ALDH1L2: variants seen among roughly 807,000 people sequenced by gnomAD.
ALDH1L2 encodes mitochondrial 10-formyltetrahydrofolate dehydrogenase.
Under a neutral mutation model 111.0 loss-of-function variants are expected in ALDH1L2, and 91 were observed. That is an observed-to-expected ratio of 0.82 (90% CI 0.69 to 0.98). The LOEUF (loss-of-function observed/expected upper bound fraction) is 0.98, where lower values mean the gene tolerates loss of function less well. Ranked by LOEUF, ALDH1L2 falls within the 50% of genes least tolerant of loss-of-function variation. ALDH1L2 has a pLI of 0.00. For missense variants in ALDH1L2, 995 were observed against 1,126.8 expected (o/e 0.88, Z 1.67); for synonymous variants, 374 against 392.6 (o/e 0.95, Z 0.56).
At chr12:105,058,020 T>C in intron 10 of ALDH1L2, 53 bp downstream of exon 10, 1 of 1,551,636 alleles carries the variant, frequency 6.4e-7, no homozygotes, top group South Asian at 1.3e-5. Flanking sequence ...AGCAGTCTTT[T>C]ATAGTGTATG....
At chr12:105,029,904 C>T (rs1483378950) in intron 21 of ALDH1L2, among the ~76,000 whole-genome samples, 2 of 152,116 alleles carry the variant, frequency 1.3e-5, no homozygotes, top group Non-Finnish European at 2.9e-5. Flanking sequence ...TGAACATTTC[C>T]ATGAAAAGTT....
At chr12:105,063,215 G>A (rs1877111372) in intron 6 of ALDH1L2, among the ~76,000 whole-genome samples, 193 bp from the exon 7 acceptor site, 1 of 152,190 alleles carries the variant, frequency 6.6e-6, no homozygotes, top group African/African-American at 2.4e-5. Flanking sequence ...AGTGGCTCAC[G>A]CCTGTAATCC....
intron 10 of ALDH1L2, among the ~76,000 whole-genome samples, chr12:105,054,049 G>A (rs1364183154): frequency 6.6e-6 from 1 of 151,694 alleles, no homozygotes; most frequent in Admixed American, 6.6e-5. Context: ...CTATAAATAG[G>A]GTAAAAATAA....
chr12:105,065,584 C>T lies in ALDH1L2; in HGVS notation c.697-228G>A, dbSNP rs1176183469. Among the ~76,000 whole-genome samples, 10 of 152,282 alleles carry T rather than the reference C, an allele frequency of 6.6e-5. No individual in the cohort carries two copies. In the East Asian group the frequency reaches 1.5e-3, roughly 23 times the overall value. On this transcript the variant is annotated intron_variant, in intron 5 of 22. Transcript: ENST00000258494. ...GAGGGTTATTTAAAGGGACAGTATG[C>T]TTTGTAAAGATGAAGTAGAGCGGGC... is the stretch of plus-strand genomic sequence containing the variant.
intron 15 of ALDH1L2, among the ~76,000 whole-genome samples, chr12:105,041,691 T>C (rs1875544169): frequency 6.6e-6 from 1 of 152,208 alleles, no homozygotes; most frequent in Admixed American, 6.5e-5. Flanking sequence ...GTTGGCTCTC[T>C]ACTCTAAGTG....
In ALDH1L2 at chr12:105,030,380, G is replaced by A. The variant is rs759899162; in HGVS notation, c.2460C>T (p.Tyr820=). 1 of 1,613,556 alleles carries A rather than the reference G, an allele frequency of 6.2e-7. No individual in the cohort carries two copies. The highest frequency in any genetic ancestry group is 8.5e-7 in the Non-Finnish European group (1 of 1,179,658). The change falls in exon 21 of 23, where the codon TAC becomes TAT. Residue 820 remains tyrosine (Y), a synonymous_variant. Coordinates refer to ENST00000258494, the MANE Select transcript of ALDH1L2 (RefSeq NM_001034173.4). ...GCCCAAAGGATTCCTCTTTGGCGAG[G>A]TACATGTAGTCTTCCACATCTGTGA... ...TVFTDVEDYM[Y]LAKEESFGPI...
In ALDH1L2 at chr12:105,044,887, AT is replaced by A. The variant is rs572025251; in HGVS notation, c.1863+1822del. On this transcript the variant is annotated intron_variant, in intron 15 of 22. Transcript: ENST00000258494. ...ATGGAAACTGCTAAAAAAAGTTAGA[AT>A]TTTTTTTTTTGCTAAGTATATAGAA... Among the ~76,000 whole-genome samples, 136 of 148,270 alleles carry A rather than the reference AT, an allele frequency of 9.2e-4. 3 individuals carry two copies. Among genetic ancestry groups the A allele is most frequent in the African/African-American group, 2.1e-3 (87 of 40,530 alleles).
chr12:105,059,438 G>A (rs1029201254), intron 9 of ALDH1L2, among the ~76,000 whole-genome samples: 17 of 151,030 alleles, frequency 1.1e-4, no homozygotes, highest in African/African-American at 4.1e-4. Context: ...CAAGTGAGCT[G>A]TGATCACACC....
At position 105,070,596 on chromosome 12, in the gene ALDH1L2, C is replaced by T; in HGVS notation, c.402G>A (p.Arg134=). 2 of 1,613,536 alleles carry T rather than the reference C, an allele frequency of 1.2e-6. No individual in the cohort carries two copies. The highest frequency in any genetic ancestry group is 1.7e-6 in the Non-Finnish European group (2 of 1,179,716). The change falls in exon 3 of 23, where the codon AGG becomes AGA. Residue 134 remains arginine (R), a synonymous_variant. Coordinates refer to ENST00000258494, the MANE Select transcript of ALDH1L2 (RefSeq NM_001034173.4). The part of the protein sequence containing the change: ...SIIYHPSILP[R]HRGASAINWT... Reference sequence around the variant, plus strand: ...AATTGATAGCAGAGGCTCCTCTGTGCCTGGGCAGGATGGATGGGTGATAAA... The same window carrying T: ...AATTGATAGCAGAGGCTCCTCTGTGTCTGGGCAGGATGGATGGGTGATAAA...
Position 105,063,012 on chromosome 12 carries a change from A to G in ALDH1L2, c.797T>C (p.Phe266Ser). ...GCTATTCAGTAATGTCGAGCCATAG[A>G]AAGTGACCATCTAGTAAAGAGATCA... ...WTEINGQMVT[F>S]YGSTLLNSSV... The change falls in exon 7 of 23, where the codon TTC becomes TCC. Residue 266 changes from phenylalanine (F) to serine (S), a missense_variant. Coordinates refer to ENST00000258494, the MANE Select transcript of ALDH1L2 (RefSeq NM_001034173.4). The G allele has an allele frequency of 1.2e-6, 2 of 1,612,462 alleles. No homozygotes were observed. The highest frequency in any genetic ancestry group is 1.7e-6 in the Non-Finnish European group (2 of 1,179,592).
chr12:105,024,872 C>G (rs556918928), intron 22 of ALDH1L2, among the ~76,000 whole-genome samples: 5 of 152,162 alleles, frequency 3.3e-5, no homozygotes, highest in Non-Finnish European at 7.3e-5. Flanking sequence ...CAGACTCTGC[C>G]TTTTTGTCCA....
chr12:105,028,206 G>T (rs542370045), intron 21 of ALDH1L2, among the ~76,000 whole-genome samples: 1 of 152,270 alleles, frequency 6.6e-6, no homozygotes, highest in South Asian at 2.1e-4. Flanking sequence ...CGCCTCCCAG[G>T]TTCAAGCAAT....
In ALDH1L2 at chr12:105,026,555, T is replaced by G; in HGVS notation, c.2706A>C (p.Gly902=). 6.2e-7 allele frequency: 1 copy of G among 1,614,126 alleles called. No individual in the cohort carries two copies. The highest frequency in any genetic ancestry group is 8.5e-7 in the Non-Finnish European group (1 of 1,180,010). Residue 902 remains glycine (G), a synonymous_variant, in exon 22 of 23, where the codon GGA becomes GGC. Transcript: ENST00000258494. ...PFGGVKQSGF[G]KDLGEEALNE... is the part of the protein sequence containing the mutation. ...AAAGTAAAGCCATACCTAAGTCTTT[T>G]CCAAAGCCAGATTGTTTAACTCCGC...
At chr12:105,071,704 C>T (rs1242286031) in intron 2 of ALDH1L2, among the ~76,000 whole-genome samples, 6 of 117,364 alleles carry the variant, frequency 5.1e-5, no homozygotes, top group African/African-American at 1.4e-4. Flanking sequence ...TCGCCCAGGC[C>T]GGACTGCAGT....
At chr12:105,079,974 C>G (rs967822667) in intron 1 of ALDH1L2, among the ~76,000 whole-genome samples, 5 of 152,160 alleles carry the variant, frequency 3.3e-5, no homozygotes, top group Non-Finnish European at 5.9e-5. Context: ...ACATATAATT[C>G]ATTCTTTGAA....
At chr12:105,034,473 G>A in intron 18 of ALDH1L2, 75 bp from the exon 19 acceptor site, 2 of 1,357,504 alleles carry the variant, frequency 1.5e-6, no homozygotes, top group Non-Finnish European at 2.0e-6. Context: ...TACACAGAGG[G>A]AGTTAGTTGT....
chr12:105,057,027 G>A (rs1016244268), intron 10 of ALDH1L2, among the ~76,000 whole-genome samples: 24 of 151,080 alleles, frequency 1.6e-4, no homozygotes, highest in African/African-American at 5.6e-4. Flanking sequence ...TAAGGATCTA[G>A]TATCGAAAAT....
intron 1 of ALDH1L2, among the ~76,000 whole-genome samples, chr12:105,075,576 ACT>A (rs1297060903): frequency 4.0e-5 from 6 of 151,878 alleles, no homozygotes; most frequent in Non-Finnish European, 8.8e-5. Flanking sequence ...CAAGAGTGAA[ACT>A]CTGTCCACAC....
rs993159070 is a variant in ALDH1L2 at position 105,046,932 on chromosome 12, C to T, written c.1724G>A (p.Arg575His). ...CTCTTTCTTGGTGAAGGTCAGATTGCGATTTGGACGGGCCTGGTTGATTGG... is the reference window on the plus strand; with the variant it reads ...CTCTTTCTTGGTGAAGGTCAGATTGTGATTTGGACGGGCCTGGTTGATTGG... ...TIPINQARPN[R>H]NLTFTKKEPL... The change falls in exon 14 of 23, where the codon CGC becomes CAC. Residue 575 changes from arginine to histidine, a missense_variant. Transcript: ENST00000258494. 1.1e-5 allele frequency: 18 copies of T among 1,613,862 alleles called. No individual in the cohort carries two copies. The Admixed American group carries it at 1.3e-4, about 12-fold the overall frequency.
Sources: gnomAD v4.1 joint callset for allele counts (sites outside exome capture counted in the v4.1 genomes callset) on GRCh38, gnomAD v4.1.1 for gene constraint, MANE v1.5 for transcripts, NCBI Gene and HGNC (gene_info 2026-07-23, HGNC 2026-07-21) for gene names.